The following TLN2 variants were observed in gnomAD, a reference collection of about 807,000 sequenced individuals.
The protein encoded by TLN2 is talin-2.
A neutral mutation model predicts 294.7 loss-of-function variants in TLN2; 118 were observed. The ratio of observed to expected loss-of-function variants is 0.40; its 90% CI spans 0.34 to 0.47. The LOEUF (loss-of-function observed/expected upper bound fraction) is 0.47, where lower values mean the gene tolerates loss of function less well. Among genes scored for constraint, TLN2 ranks in the 20% least tolerant of loss-of-function variants. TLN2 has a pLI of 0.84. For synonymous variants in TLN2, 1,431 were observed against 1,304.5 expected (o/e 1.10, Z -2.09); for missense variants, 3,083 against 3,282.2 (o/e 0.94, Z 1.48).
intron 3 of TLN2, among the ~76,000 whole-genome samples, chr15:62,625,348 C>G (rs2049188850): frequency 6.6e-6 from 1 of 152,190 alleles, no homozygotes; most frequent in Non-Finnish European, 1.5e-5. Flanking sequence ...TGTGGAGTCC[C>G]CTCCACTAGG....
intron 14 of TLN2, 43 bp from the exon 15 acceptor site, chr15:62,697,645 A>T: frequency 6.4e-7 from 1 of 1,565,262 alleles, no homozygotes; most frequent in Non-Finnish European, 8.7e-7. Flanking sequence ...TGCACTCCAC[A>T]TGGCTGGTGT....
Position 62,762,724 on chromosome 15 carries a change from C to T in TLN2, c.4961+271C>T, listed in dbSNP as rs538750417. ...TACCACTGTCATTATTTCCATTGTA[C>T]TGATGAAAAAATTTAGGCAGAAAAA... On this transcript the variant is annotated intron_variant, in intron 39 of 58. Transcript: ENST00000636159. Among the ~76,000 whole-genome samples the T allele has an allele frequency of 2.6e-5, 4 of 152,268 alleles. No individual in the cohort carries two copies. The South Asian group carries it at 8.3e-4, about 32-fold the overall frequency.
rs143202620 is a variant in TLN2 at position 62,517,989 on chromosome 15, C to T, written c.-237-71698C>T. Among the ~76,000 whole-genome samples, 175 of 151,872 alleles carry T rather than the reference C, an allele frequency of 1.2e-3. 1 individual carries two copies. In the Middle Eastern group the frequency reaches 0.014, roughly 12 times the overall value. The stretch of plus-strand genomic sequence containing the variant: ...ATTGTTGTGTGGAACGAGAGTAAAG[C>T]ACTGACGTCAGACTGAGCACATAGT... On this transcript the variant is annotated intron_variant, in intron 1 of 58. Transcript: ENST00000636159.
rs139550050 is a variant in TLN2, at chr15:62,553,630, T to G, written c.-237-36057T>G. On this transcript the variant is annotated intron_variant, in intron 1 of 58. Coordinates refer to ENST00000636159, the MANE Select transcript of TLN2 (RefSeq NM_015059.3). ...TCATGAGTGTTAAGAATTTGGTACATGTAATTTTCAGGCCTTTTCAGAAAA... is the reference window on the plus strand; with the variant it reads ...TCATGAGTGTTAAGAATTTGGTACAGGTAATTTTCAGGCCTTTTCAGAAAA... Among the ~76,000 whole-genome samples, 154 of 152,376 alleles carry G rather than the reference T, an allele frequency of 1.0e-3. 1 individual carries two copies. Among genetic ancestry groups the G allele is most frequent in the African/African-American group, 3.7e-3 (153 of 41,580 alleles).
At chr15:62,772,559 G>C (rs972694633) in intron 42 of TLN2, among the ~76,000 whole-genome samples, 2 of 152,074 alleles carry the variant, frequency 1.3e-5, no homozygotes, top group African/African-American at 4.8e-5. Context: ...CTCACTTCTG[G>C]GTTGTCTTTT....
At chr15:62,503,466 A>G (rs2039418775) in intron 1 of TLN2, among the ~76,000 whole-genome samples, 1 of 152,190 alleles carries the variant, frequency 6.6e-6, no homozygotes, top group Non-Finnish European at 1.5e-5. Flanking sequence ...ACACAGAGAG[A>G]CTTCTTAAGT....
Position 62,820,612 on chromosome 15 carries a change from TA to T in TLN2, c.7002+4del, listed in dbSNP as rs765510539. 6.2e-7 allele frequency: 1 copy of T among 1,612,576 alleles called. No homozygotes were observed. The highest frequency in any genetic ancestry group is 1.1e-5 in the South Asian group (1 of 90,924). On this transcript the variant is annotated splice_donor_region_variant and intron_variant, in intron 54 of 58. Transcript: ENST00000636159. The stretch of plus-strand genomic sequence containing the variant: ...CTGAAGCCAAGAGCAAAACCAAAAG[TA>T]AGTGTTCATTTATGGTTGGCTGTCC...
chr15:62,836,165 A>G (rs879542608), intron 57 of TLN2, 92 bp downstream of exon 57: 7 of 1,506,404 alleles, frequency 4.6e-6, no homozygotes, highest in African/African-American at 1.4e-5. Context: ...GGCATGACCC[A>G]CCAGGCCTTC....
intron 2 of TLN2, among the ~76,000 whole-genome samples, chr15:62,605,254 C>G (rs1181264703): frequency 6.6e-6 from 1 of 152,090 alleles, no homozygotes; most frequent in Non-Finnish European, 1.5e-5. Context: ...ATGAAATATC[C>G]TAGCCTAAAT....
chr15:62,792,548 C>T (rs1596010025), intron 45 of TLN2, 93 bp from the exon 46 acceptor site: 2 of 1,505,402 alleles, frequency 1.3e-6, no homozygotes, highest in East Asian at 4.5e-5. Flanking sequence ...GCCAGGCTCC[C>T]ATAGGACATA....
chr15:62,444,742 A>G (rs2035732024), intron 1 of TLN2, among the ~76,000 whole-genome samples: 2 of 152,208 alleles, frequency 1.3e-5, no homozygotes, highest in Non-Finnish European at 2.9e-5. Flanking sequence ...CAAGGCAACT[A>G]TTGTATTACT....
At chr15:62,581,765 C>T (rs1005954960) in intron 1 of TLN2, among the ~76,000 whole-genome samples, 11 of 151,984 alleles carry the variant, frequency 7.2e-5, no homozygotes, top group African/African-American at 1.7e-4. Context: ...AATAGTGGGC[C>T]GGGTGCGGTG....
chr15:62,741,245 TCA>T, intron 32 of TLN2, among the ~76,000 whole-genome samples: 1 of 152,214 alleles, frequency 6.6e-6, no homozygotes, highest in Non-Finnish European at 1.5e-5. Context: ...GTTGTATCTG[TCA>T]CATGGGGAAG....
At chr15:62,508,179 C>T (rs989136634) in intron 1 of TLN2, among the ~76,000 whole-genome samples, 2 of 151,902 alleles carry the variant, frequency 1.3e-5, no homozygotes, top group African/African-American at 4.8e-5. Context: ...GGATGAGTGA[C>T]TATTTAAGCC....
intron 1 of TLN2, among the ~76,000 whole-genome samples, chr15:62,499,379 G>A (rs1424938646): frequency 1.3e-5 from 2 of 152,182 alleles, no homozygotes; most frequent in African/African-American, 4.8e-5. Context: ...GAGCCCAGGA[G>A]GCAGAGGTTG....
chr15:62,804,950 G>A (rs2066170781), intron 50 of TLN2, among the ~76,000 whole-genome samples: 1 of 152,170 alleles, frequency 6.6e-6, no homozygotes, highest in African/African-American at 2.4e-5. Context: ...TGAGCATGAA[G>A]CAGAAATGGG....
chr15:62,445,370 A>AT (rs1251349873), intron 1 of TLN2, among the ~76,000 whole-genome samples: 1 of 152,182 alleles, frequency 6.6e-6, no homozygotes, highest in Non-Finnish European at 1.5e-5. Context: ...GTTAGAGTTT[A>AT]TCTCATGATA....
chr15:62,727,350 A>G (rs1405493088), intron 28 of TLN2, among the ~76,000 whole-genome samples, 161 bp downstream of exon 28: 3 of 152,204 alleles, frequency 2.0e-5, no homozygotes, highest in Non-Finnish European at 4.4e-5. Flanking sequence ...CGGGCTTGAT[A>G]CTAAGCACAC....
At chr15:62,414,868 G>T (rs1466683071) in intron 1 of TLN2, among the ~76,000 whole-genome samples, 1 of 140,470 alleles carries the variant, frequency 7.1e-6, no homozygotes, top group African/African-American at 2.5e-5. Flanking sequence ...GTAAATAAAA[G>T]AATTTTTCCT....
Sources: gnomAD v4.1 joint callset for allele counts (sites outside exome capture counted in the v4.1 genomes callset) on GRCh38, gnomAD v4.1.1 for gene constraint, MANE v1.5 for transcripts, NCBI Gene and HGNC (gene_info 2026-07-23, HGNC 2026-07-21) for gene names.